PDE8B: variants seen among roughly 807,000 people sequenced by gnomAD.
PDE8B encodes high affinity cAMP-specific and IBMX-insensitive 3',5'-cyclic phosphodiesterase 8B.
A neutral mutation model predicts 101.3 loss-of-function variants in PDE8B; 26 were observed. The observed-to-expected ratio is 0.26, with a 90% CI of 0.19 to 0.36. The LOEUF (loss-of-function observed/expected upper bound fraction) is 0.36. PDE8B is among the 10% of genes least tolerant of loss of function. The pLI is 1.00. For synonymous variants in PDE8B, 424 were observed against 429.3 expected (o/e 0.99, Z 0.15); for missense variants, 810 against 1,163.1 (o/e 0.70, Z 4.42).
chr5:77,099,910 C>T, the PDE8B span, among the ~76,000 whole-genome samples: 12 of 152,274 alleles, frequency 7.9e-5, no homozygotes, highest in East Asian at 5.8e-4. Context: ...ACGCCCGGCC[C>T]GGGGTGACCT....
intron 10 of PDE8B, among the ~76,000 whole-genome samples, chr5:77,393,393 C>CAAAA: frequency 7.2e-6 from 1 of 138,812 alleles, no homozygotes; most frequent in East Asian, 2.1e-4. Flanking sequence ...AGACTGTCTC[C>CAAAA]AAAAAAAAAA....
intron 10 of PDE8B, among the ~76,000 whole-genome samples, chr5:77,391,755 A>G (rs1789990021): frequency 6.6e-6 from 1 of 152,224 alleles, no homozygotes; most frequent in Admixed American, 6.5e-5. Context: ...TACGCAAGAA[A>G]GGCTTTTTGT....
At chr5:77,403,112 G>A (rs1792655601) in intron 11 of PDE8B, among the ~76,000 whole-genome samples, 2 of 152,122 alleles carry the variant, frequency 1.3e-5, no homozygotes, top group African/African-American at 4.8e-5. Context: ...CGCTGAAAAT[G>A]TGTGTTTCTG....
Position 77,408,982 on chromosome 5 carries a change from A to AGAACT in PDE8B, c.1457_1461dup (p.Tyr488AsnfsTer23). 1 of 1,613,398 alleles carries AGAACT rather than the reference A, an allele frequency of 6.2e-7. No individual in the cohort carries two copies. The highest frequency in any genetic ancestry group is 8.5e-7 in the Non-Finnish European group (1 of 1,179,276). ...GAGTTCTAGAGATTTTACGGACCAC[A>AGAACT]GAACTGTACTCCCCTCAGCTGGGTA... On this transcript the variant is annotated frameshift_variant, in exon 14 of 22. Transcript: ENST00000264917. LOFTEE classifies it high-confidence loss of function.
At chr5:77,378,643 G>A (rs1786827082) in intron 10 of PDE8B, among the ~76,000 whole-genome samples, 1 of 152,072 alleles carries the variant, frequency 6.6e-6, no homozygotes, top group African/African-American at 2.4e-5. Flanking sequence ...GTTCTAACAA[G>A]CTTCAGGTGT....
chr5:77,231,798 AG>A (rs1158948706), intron 1 of PDE8B, among the ~76,000 whole-genome samples: 1 of 152,228 alleles, frequency 6.6e-6, no homozygotes, highest in Non-Finnish European at 1.5e-5. Flanking sequence ...CTGTAGACTG[AG>A]GGGCCCCTGG....
At chr5:77,115,322 C>T in the PDE8B span, 5 of 152,106 alleles carry the variant, frequency 3.3e-5, no homozygotes, top group African/African-American at 7.2e-5. Flanking sequence ...TTAATAAATA[C>T]GTGTGGAATC....
At chr5:77,223,024 A>G (rs966117119) in intron 1 of PDE8B, among the ~76,000 whole-genome samples, 4 of 152,220 alleles carry the variant, frequency 2.6e-5, no homozygotes, top group Admixed American at 2.6e-4. Flanking sequence ...GAAGCTCTAA[A>G]GCAGCATTAC....
chr5:77,136,180 G>T, the PDE8B span, among the ~76,000 whole-genome samples: 1 of 152,000 alleles, frequency 6.6e-6, no homozygotes, highest in Non-Finnish European at 1.5e-5. Context: ...TTCCTTTCAT[G>T]AATGCACTTT....
intron 1 of PDE8B, among the ~76,000 whole-genome samples, chr5:77,305,766 T>C (rs1375821812): frequency 6.6e-6 from 1 of 152,204 alleles, no homozygotes; most frequent in East Asian, 1.9e-4. Context: ...TTAAATGCTA[T>C]TTTTAAATCA....
At chr5:77,364,049 AAAGCT>A (rs1029041110) in intron 10 of PDE8B, among the ~76,000 whole-genome samples, 2 of 152,178 alleles carry the variant, frequency 1.3e-5, no homozygotes, top group African/African-American at 4.8e-5. Flanking sequence ...CTTGGAGTGA[AAAGCT>A]AAGAGAGTGA....
the PDE8B span, among the ~76,000 whole-genome samples, chr5:77,184,429 C>G: frequency 6.6e-6 from 1 of 152,292 alleles, no homozygotes. Flanking sequence ...GATGGTAGGA[C>G]TTGTTGGTTG....
At chr5:77,149,343 G>A in the PDE8B span, among the ~76,000 whole-genome samples, 893 of 152,204 alleles carry the variant, frequency 5.9e-3, 12 homozygotes, top group African/African-American at 0.021. Flanking sequence ...AATAGTTTTG[G>A]CTGTACTTTG....
At position 77,211,329 on chromosome 5, in the gene PDE8B, T is replaced by G. The variant is rs1233581834; in HGVS notation, c.339+65T>G. The G allele has an allele frequency of 6.9e-7, 1 of 1,454,566 alleles. No homozygotes were observed. The highest frequency in any genetic ancestry group is 9.2e-7 in the Non-Finnish European group (1 of 1,091,468). The allele number at this position is 1,454,566 out of a possible 1,614,324, so 90.1% of individuals were successfully genotyped here. A position where few individuals can be genotyped will look rare whatever the true frequency, so the allele number is the denominator to read the frequency against. ...GCCCCGTCGGCGGGGCTCGCACGGGTAGGGGGCTCCGGCGGAGTTGGGTGA... is the reference window on the plus strand; with the variant it reads ...GCCCCGTCGGCGGGGCTCGCACGGGGAGGGGGCTCCGGCGGAGTTGGGTGA... On this transcript the variant is annotated intron_variant, in intron 1 of 21. Transcript: ENST00000264917. This position sits in a 1 kb window ranked among gnomAD's most constrained non-coding sequence, Gnocchi z 4.1.
At chr5:77,306,740 C>T (rs545900851) in intron 1 of PDE8B, among the ~76,000 whole-genome samples, 15 of 152,172 alleles carry the variant, frequency 9.9e-5, no homozygotes, top group Non-Finnish European at 2.1e-4. Context: ...AATGTGGTGG[C>T]GTGACAGGTG....
At chr5:77,103,665 T>C in the PDE8B span, among the ~76,000 whole-genome samples, 4 of 152,190 alleles carry the variant, frequency 2.6e-5, no homozygotes, top group African/African-American at 9.6e-5. Context: ...CTGCCAACTG[T>C]GTGCATGTGG....
chr5:77,098,916 CAA>C, the PDE8B span, among the ~76,000 whole-genome samples: 41 of 152,284 alleles, frequency 2.7e-4, no homozygotes, highest in African/African-American at 9.6e-4. Context: ...CCCACTCCCA[CAA>C]TTAATCCATT....
chr5:77,173,802 G>T, the PDE8B span, among the ~76,000 whole-genome samples: 8 of 151,854 alleles, frequency 5.3e-5, no homozygotes, highest in Non-Finnish European at 7.4e-5. Context: ...GGAGTTAAGT[G>T]TATGTGTGTC....
chr5:77,416,767 C>CT (rs1279725716), intron 17 of PDE8B, among the ~76,000 whole-genome samples: 1 of 152,150 alleles, frequency 6.6e-6, no homozygotes, highest in Non-Finnish European at 1.5e-5. Flanking sequence ...CAGGGCTGAG[C>CT]TACAGGTTCA....
Sources: gnomAD v4.1 joint callset for allele counts (sites outside exome capture counted in the v4.1 genomes callset) on GRCh38, gnomAD v4.1.1 for gene constraint, Gnocchi (gnomAD v3.1) non-coding constraint, MANE v1.5 for transcripts, NCBI Gene and HGNC (gene_info 2026-07-23, HGNC 2026-07-21) for gene names.